SCAF8: variants seen among roughly 807,000 people sequenced by gnomAD.
SCAF8 encodes the protein SR-related CTD associated factor 8.
SCAF8 carries 23 observed loss-of-function variants against 140.5 expected under a neutral mutation model. That is an observed-to-expected ratio of 0.16 (90% confidence interval 0.12 to 0.23). The LOEUF is 0.23. Among genes scored for constraint, SCAF8 ranks in the 10% least tolerant of loss-of-function variants. SCAF8 has a pLI of 1.00. For missense variants in SCAF8, 1,397 were observed against 1,555.7 expected (o/e 0.90, Z 1.72); for synonymous variants, 575 against 528.9 (o/e 1.09, Z -1.20).
chr6:154,806,605 G>A (rs965179864), intron 9 of SCAF8, among the ~76,000 whole-genome samples: 4 of 152,154 alleles, frequency 2.6e-5, no homozygotes, highest in African/African-American at 7.2e-5. Context: ...TAGGAGCATG[G>A]AGGGGGGAAC....
At chr6:154,789,631 T>A (rs1025390401) in intron 4 of SCAF8, among the ~76,000 whole-genome samples, 1 of 151,096 alleles carries the variant, frequency 6.6e-6, no homozygotes, top group Admixed American at 6.6e-5. Flanking sequence ...CTGCAAACTC[T>A]GCCTCCCAGG....
At chr6:154,762,651 G>GGCTATTCTAACCAAACCAAACCAATGA (rs1776439486) in intron 1 of SCAF8, among the ~76,000 whole-genome samples, 4 of 152,096 alleles carry the variant, frequency 2.6e-5, no homozygotes, top group Non-Finnish European at 5.9e-5. Context: ...TGATAATTTT[G>GGCTATTCTAACCAAACCAAACCAATGA]TAGTATTTCC....
At chr6:154,745,748 A>G (rs1778682459) in intron 1 of SCAF8, among the ~76,000 whole-genome samples, 1 of 152,026 alleles carries the variant, frequency 6.6e-6, no homozygotes, top group Non-Finnish European at 1.5e-5. Flanking sequence ...CTGAATCAGA[A>G]CTAATGGTGA....
intron 6 of SCAF8, 74 bp downstream of exon 6, chr6:154,795,213 C>A (rs1777566146): frequency 2.4e-6 from 3 of 1,260,066 alleles, no homozygotes; most frequent in Non-Finnish European, 3.2e-6. Flanking sequence ...TTGTAACATA[C>A]CACCTAGAGA....
At chr6:154,735,763 C>G (rs1207768156) in intron 1 of SCAF8, among the ~76,000 whole-genome samples, 2 of 152,082 alleles carry the variant, frequency 1.3e-5, no homozygotes, top group African/African-American at 4.8e-5. Flanking sequence ...ATCCACCCGC[C>G]TTGGCCTCCC....
At chr6:154,812,176 CT>C (rs67493657) in intron 12 of SCAF8, among the ~76,000 whole-genome samples, 48,030 of 105,256 alleles carry the variant, frequency 0.46, 11,301 homozygotes, top group East Asian at 0.88. Flanking sequence ...AAGATACTGC[CT>C]TTTTTTTTTT....
At chr6:154,748,254 T>G (rs904871367) in intron 1 of SCAF8, among the ~76,000 whole-genome samples, 10 of 152,182 alleles carry the variant, frequency 6.6e-5, no homozygotes, top group African/African-American at 2.4e-4. Flanking sequence ...ACATGTGCAT[T>G]ATGGAACTTT....
At chr6:154,770,428 T>C (rs1297859929) in intron 1 of SCAF8, among the ~76,000 whole-genome samples, 1 of 149,716 alleles carries the variant, frequency 6.7e-6, no homozygotes, top group Non-Finnish European at 1.5e-5. Context: ...TCTCTCTAGT[T>C]GAGTGTGGCG....
At chr6:154,815,574 G>GC (rs1482001627) in intron 12 of SCAF8, 142 bp from the exon 13 acceptor site, 1 of 370,324 alleles carries the variant, frequency 2.7e-6, no homozygotes, top group Admixed American at 3.7e-5. Context: ...CATAACAGAT[G>GC]CAAGTGTTCA....
At position 154,777,951 on chromosome 6, in the gene SCAF8, A is replaced by G. The variant is rs201690623; in HGVS notation, c.115-50A>G. The G allele has an allele frequency of 2.3e-4, 267 of 1,167,220 alleles. 2 individuals are homozygous for G. Among genetic ancestry groups the G allele is most frequent in the East Asian group, 1.1e-3 (46 of 42,284 alleles). The allele number at this position is 1,167,220 out of a possible 1,614,324, so 72.3% of individuals were successfully genotyped here. A position where few individuals can be genotyped will look rare whatever the true frequency, so the allele number is the denominator to read the frequency against. On this transcript the variant is annotated intron_variant, in intron 2 of 19. Coordinates refer to ENST00000367178, the MANE Select transcript of SCAF8 (RefSeq NM_014892.5). Reference sequence around the variant, plus strand: ...AACCTATGGTTAGCAGGAAATTTCAATCTCCTCAAACTGATTTTAAAACCA... The same window carrying G: ...AACCTATGGTTAGCAGGAAATTTCAGTCTCCTCAAACTGATTTTAAAACCA...
At chr6:154,745,323 A>G (rs1267560219) in intron 1 of SCAF8, among the ~76,000 whole-genome samples, 1 of 152,254 alleles carries the variant, frequency 6.6e-6, no homozygotes, top group East Asian at 1.9e-4. Context: ...ACACCATATC[A>G]GGAATCATGT....
chr6:154,753,708 T>C (rs558649079), intron 1 of SCAF8, among the ~76,000 whole-genome samples: 1 of 152,310 alleles, frequency 6.6e-6, no homozygotes, highest in East Asian at 1.9e-4. Flanking sequence ...GAAAGATGCA[T>C]GTAGAATACG....
At chr6:154,829,203 T>TTG (rs1278432363) in intron 18 of SCAF8, among the ~76,000 whole-genome samples, 1 of 152,076 alleles carries the variant, frequency 6.6e-6, no homozygotes, top group African/African-American at 2.4e-5. Context: ...AATCTTTTCT[T>TTG]TGTAGATGTG....
At chr6:154,769,625 TACGA>T in intron 1 of SCAF8, among the ~76,000 whole-genome samples, 2 of 152,348 alleles carry the variant, frequency 1.3e-5, no homozygotes, top group Admixed American at 1.3e-4. Context: ...AAGTTTTCTA[TACGA>T]TGTTTCTGTG....
At chr6:154,755,808 T>TAA (rs1366761438) in intron 1 of SCAF8, among the ~76,000 whole-genome samples, 1 of 152,210 alleles carries the variant, frequency 6.6e-6, no homozygotes, top group Non-Finnish European at 1.5e-5. Flanking sequence ...TGTGTCTTGT[T>TAA]GGTTTAGGAA....
At chr6:154,737,248 C>A (rs1425186144) in intron 1 of SCAF8, among the ~76,000 whole-genome samples, 2 of 152,226 alleles carry the variant, frequency 1.3e-5, no homozygotes, top group African/African-American at 4.8e-5. Flanking sequence ...TCCATCACAA[C>A]TTCTCTGCTA....
At chr6:154,761,813 C>G (rs892300174) in intron 1 of SCAF8, among the ~76,000 whole-genome samples, 13 of 151,984 alleles carry the variant, frequency 8.6e-5, no homozygotes, top group Non-Finnish European at 1.8e-4. Flanking sequence ...ATAAAAGTCA[C>G]TATTTGTCGT....
chr6:154,745,113 T>G (rs1778664378), intron 1 of SCAF8, among the ~76,000 whole-genome samples: 1 of 152,352 alleles, frequency 6.6e-6, no homozygotes, highest in African/African-American at 2.4e-5. Context: ...ACACCTTACA[T>G]TCACTTGTCT....
chr6:154,798,107 A>C (rs1357445646), intron 6 of SCAF8, among the ~76,000 whole-genome samples: 1 of 151,520 alleles, frequency 6.6e-6, no homozygotes, highest in Non-Finnish European at 1.5e-5. Flanking sequence ...GGAGTATACA[A>C]GACGAGCAAG....
Sources: allele counts gnomAD v4.1 joint callset (sites outside exome capture counted in the v4.1 genomes callset), GRCh38; gene constraint gnomAD v4.1.1; transcripts MANE v1.5; gene names NCBI Gene and HGNC (gene_info 2026-07-23, HGNC 2026-07-21).